The following MGA variants were observed in gnomAD, a reference collection of about 807,000 sequenced individuals.
The protein encoded by MGA is MAX gene-associated protein.
Under a neutral mutation model 261.1 loss-of-function variants are expected in MGA, and 40 were observed. That is an observed-to-expected ratio of 0.15 (90% confidence interval 0.12 to 0.20). The LOEUF (loss-of-function observed/expected upper bound fraction) is 0.20. MGA is among the 10% of genes least tolerant of loss of function. The pLI, the probability that MGA is intolerant of heterozygous loss-of-function variation, is 1.00. For synonymous variants in MGA, 1,302 were observed against 1,290.6 expected (o/e 1.01, Z -0.19); for missense variants, 3,397 against 3,630.5 (o/e 0.94, Z 1.65).
chr15:41,641,778 G>T (rs987983908), intron 1 of MGA, among the ~76,000 whole-genome samples: 2 of 151,832 alleles, frequency 1.3e-5, no homozygotes, highest in Non-Finnish European at 2.9e-5. Flanking sequence ...ATGAGCCACC[G>T]TGTCCGGCCT....
intron 1 of MGA, among the ~76,000 whole-genome samples, chr15:41,661,865 G>T (rs781037874): frequency 6.6e-6 from 1 of 152,132 alleles, no homozygotes; most frequent in Admixed American, 6.5e-5. Flanking sequence ...AGTCTCCAAG[G>T]TAACAGAACG....
chr15:41,763,092 C>CTTTTTTTTTTTT (rs71108131), intron 22 of MGA, among the ~76,000 whole-genome samples: 2 of 63,950 alleles, frequency 3.1e-5, no homozygotes, highest in African/African-American at 5.9e-5. Flanking sequence ...TTCTTTCTTC[C>CTTTTTTTTTTTT]TTTTTTTTTT....
chr15:41,718,709 A>G (rs1353129620), intron 9 of MGA: 1 of 209,570 alleles, frequency 4.8e-6, no homozygotes, highest in African/African-American at 2.3e-5. Context: ...TGAAAGATTG[A>G]CAAAATTCAT....
At chr15:41,698,801 TTTTACA>T (rs2059681107) in intron 3 of MGA, 56 bp from the exon 4 acceptor site, 2 of 1,291,770 alleles carry the variant, frequency 1.5e-6, no homozygotes, top group Non-Finnish European at 2.1e-6. Flanking sequence ...TTTAATCCTG[TTTTACA>T]TTTAAGTTTT....
In MGA at chr15:41,669,886, A is replaced by C; in HGVS notation, c.992A>C (p.Asp331Ala). ...AAGACTTCCCTTAATATAAAACGAG[A>C]CTTTCTTGGTTTCATGGATACTGAT... Residue 331 changes from aspartate (D) to alanine (A), a missense_variant, in exon 2 of 24, where the codon GAC becomes GCC. Around this residue, in one of 9 missense-constraint regions of MGA, gnomAD observed 563 missense variants for 563.6 expected, o/e 1.00. Coordinates refer to ENST00000219905, the MANE Select transcript of MGA (RefSeq NM_001164273.2). The C allele has an allele frequency of 6.2e-7, 1 of 1,613,930 alleles. No homozygotes were observed. Among genetic ancestry groups the C allele is most frequent in the Non-Finnish European group, 8.5e-7 (1 of 1,179,880 alleles).
At chr15:41,754,947 A>G (rs1037904437) in intron 18 of MGA, among the ~76,000 whole-genome samples, 1 of 152,262 alleles carries the variant, frequency 6.6e-6, no homozygotes. Context: ...TGCAACTAGC[A>G]TAATAACTGA....
chr15:41,637,784 G>C (rs2056739201), intron 1 of MGA, among the ~76,000 whole-genome samples: 1 of 151,742 alleles, frequency 6.6e-6, no homozygotes, highest in Admixed American at 6.6e-5. Flanking sequence ...TTGTTCTGTT[G>C]CTCAGGCTGG....
intron 14 of MGA, among the ~76,000 whole-genome samples, chr15:41,741,254 G>A (rs558871303): frequency 3.3e-5 from 5 of 149,624 alleles, no homozygotes; most frequent in African/African-American, 1.2e-4. Context: ...GGCTGAGGCA[G>A]GAGAATCACT....
Position 41,750,493 on chromosome 15 carries a change from T to C in MGA, c.6886T>C (p.Phe2296Leu), listed in dbSNP as rs753384958. 1 of 1,613,938 alleles carries C rather than the reference T, an allele frequency of 6.2e-7. No homozygotes were observed. Among genetic ancestry groups the C allele is most frequent in the South Asian group, 1.1e-5 (1 of 91,072 alleles). ...GAAGGGTGGGAGAAGCAGTGCTGAC[T>C]TCACTGTTTTGGATTTGGAAGAAGA... Residue 2296 changes from phenylalanine to leucine, a missense_variant, in exon 17 of 24, where the codon TTC (phenylalanine) becomes CTC (leucine). Transcript: ENST00000219905.
intron 15 of MGA, 142 bp from the exon 16 acceptor site, chr15:41,748,495 G>T (rs2062638946): frequency 2.4e-6 from 2 of 845,612 alleles, no homozygotes; most frequent in African/African-American, 1.7e-5. Flanking sequence ...TGCGGAGGTT[G>T]TAGTCAGTCG....
At position 41,743,115 on chromosome 15, in the gene MGA, T is replaced by C; in HGVS notation, c.5155T>C (p.Ser1719Pro). Residue 1719 changes from serine to proline, a missense_variant, in exon 15 of 24, where the codon TCT (serine) becomes CCT (proline). Physicochemically the swap from Ser to Pro is moderately conservative, Grantham distance 74. This residue lies in a region of MGA where 1,410 missense variants were observed against 1,386.4 expected (regional missense o/e 1.02). Transcript: ENST00000219905. ...GACCACACCAACTTCATCTCTGGGC[T>C]CTGTTCCTATTATACTCTCAGGAAT... The C allele has an allele frequency of 1.9e-6, 3 of 1,613,682 alleles. No individual in the cohort carries two copies. Among genetic ancestry groups the C allele is most frequent in the South Asian group, 1.1e-5 (1 of 91,018 alleles).
intron 17 of MGA, 53 bp from the exon 18 acceptor site, chr15:41,754,384 T>A: frequency 6.9e-7 from 1 of 1,455,382 alleles, no homozygotes; most frequent in Non-Finnish European, 9.1e-7. Flanking sequence ...TTGAAAAGTT[T>A]AGGTGTGCTT....
intron 22 of MGA, 78 bp downstream of exon 22, chr15:41,762,440 C>T: frequency 1.6e-6 from 1 of 625,892 alleles, no homozygotes; most frequent in Non-Finnish European, 2.4e-6. Context: ...CTTCTCTTGT[C>T]CACATTTTTA....
At chr15:41,718,681 C>T (rs945762116) in intron 9 of MGA, 8 of 252,160 alleles carry the variant, frequency 3.2e-5, no homozygotes, top group Non-Finnish European at 4.6e-5. Context: ...CAAGCTCCAC[C>T]TGATTAAGAG....
chr15:41,742,860 A>G lies in MGA; in HGVS notation c.4900A>G (p.Thr1634Ala), dbSNP rs1274799865. Residue 1634 changes from threonine (T) to alanine (A), a missense_variant, in exon 15 of 24, where the codon ACT becomes GCT. Around this residue, in one of 9 missense-constraint regions of MGA, gnomAD observed 1,410 missense variants for 1,386.4 expected, o/e 1.02. Coordinates refer to ENST00000219905, the MANE Select transcript of MGA (RefSeq NM_001164273.2). ...AACTACTTATTCTTCTGGTGCCACC[A>G]CTACAGGGGTTGTTGAGGTCTCTGA... 1 of 1,614,008 alleles carries G rather than the reference A, an allele frequency of 6.2e-7. No homozygotes were observed. The highest frequency in any genetic ancestry group is 1.7e-5 in the Admixed American group (1 of 60,016).
rs529528657 is a variant in MGA at position 41,715,954 on chromosome 15, T to C, written c.3430+2458T>C. On this transcript the variant is annotated intron_variant, in intron 9 of 23. Coordinates refer to ENST00000219905, the MANE Select transcript of MGA (RefSeq NM_001164273.2). ...ATACGGAAGCCCACATAAGCAGGAATAGTGCTTACCTCTTAGGCTTTACTG... is the reference window on the plus strand; with the variant it reads ...ATACGGAAGCCCACATAAGCAGGAACAGTGCTTACCTCTTAGGCTTTACTG... 1.1e-4 allele frequency among the ~76,000 whole-genome samples: 16 copies of C among 152,336 alleles called. No homozygotes were observed. The East Asian group carries it at 3.1e-3, about 29-fold the overall frequency.
chr15:41,693,943 C>T (rs2059417669), intron 2 of MGA, among the ~76,000 whole-genome samples: 1 of 151,986 alleles, frequency 6.6e-6, no homozygotes, highest in South Asian at 2.1e-4. Context: ...GATTTTGCCC[C>T]TCAAATCACT....
In MGA at chr15:41,767,398, G is replaced by A; in HGVS notation, c.*118G>A. The A allele has an allele frequency of 1.9e-6, 2 of 1,064,692 alleles. No homozygotes were observed. The highest frequency in any genetic ancestry group is 2.7e-6 in the Non-Finnish European group (2 of 736,768). 66.0% of individuals were successfully genotyped at this position (1,064,692 alleles called of 1,614,324 possible). On this transcript the variant is annotated 3_prime_UTR_variant, in exon 24 of 24. Transcript: ENST00000219905. ...TTGGATCCTTGACTTCAATGATGCA[G>A]TGGATAATGATGGGAGAAAGGGGGT... is the stretch of plus-strand genomic sequence containing the variant.
intron 13 of MGA, among the ~76,000 whole-genome samples, chr15:41,739,457 G>A (rs1347050961): frequency 6.6e-6 from 1 of 152,196 alleles, no homozygotes; most frequent in Non-Finnish European, 1.5e-5. Flanking sequence ...TTTCAAATAT[G>A]AAGGATGCTT....
Sources: gnomAD v4.1 joint callset for allele counts (sites outside exome capture counted in the v4.1 genomes callset) on GRCh38, gnomAD v4.1.1 for gene constraint, gnomAD v4.1.1 regional missense constraint, MANE v1.5 for transcripts, NCBI Gene and HGNC (gene_info 2026-07-23, HGNC 2026-07-21) for gene names.